The following KIAA1549L variants were observed in gnomAD, a reference collection of about 807,000 sequenced individuals.
KIAA1549L encodes the protein KIAA1549 like, also known as UPF0606 protein KIAA1549L.
In KIAA1549L, 88 loss-of-function variants were observed where a neutral mutation model predicts 160.7. The ratio of observed to expected loss-of-function variants is 0.55; its 90% CI spans 0.46 to 0.65. The LOEUF (loss-of-function observed/expected upper bound fraction) is 0.65. KIAA1549L is among the 30% of genes least tolerant of loss of function. The pLI is 0.00. For synonymous variants in KIAA1549L, 950 were observed against 976.7 expected (o/e 0.97, Z 0.51); for missense variants, 2,258 against 2,437.5 (o/e 0.93, Z 1.55).
intron 1 of KIAA1549L, among the ~76,000 whole-genome samples, chr11:33,540,179 G>T (rs1853984709): frequency 6.6e-6 from 1 of 152,228 alleles, no homozygotes; most frequent in East Asian, 1.9e-4. Context: ...GAAAGAGTTT[G>T]CAAAACTTCC....
intron 1 of KIAA1549L, among the ~76,000 whole-genome samples, chr11:33,479,362 A>G (rs1479412614): frequency 6.6e-6 from 1 of 152,238 alleles, no homozygotes; most frequent in Non-Finnish European, 1.5e-5. Context: ...AAAAGCCAGA[A>G]TGTGAAATTT....
chr11:33,524,820 C>G (rs992688896), intron 1 of KIAA1549L, among the ~76,000 whole-genome samples: 1 of 152,148 alleles, frequency 6.6e-6, no homozygotes, highest in African/African-American at 2.4e-5. Context: ...ATGAATAAGT[C>G]ATTTTCAAAA....
Position 33,545,222 on chromosome 11 carries a change from T to A in KIAA1549L, c.3229T>A (p.Ser1077Thr). 6.2e-7 allele frequency: 1 copy of A among 1,613,948 alleles called. No individual in the cohort carries two copies. Among genetic ancestry groups the A allele is most frequent in the Non-Finnish European group, 8.5e-7 (1 of 1,179,878 alleles). Residue 1077 changes from serine (S) to threonine (T), a missense_variant, in exon 3 of 21, where the codon TCC (serine) becomes ACC (threonine). By Grantham distance (58) the Ser-to-Thr change is moderately conservative. Around this residue, in one of 6 missense-constraint regions of KIAA1549L, gnomAD observed 1,359 missense variants for 1,546.6 expected, o/e 0.88. Coordinates refer to ENST00000658780, the MANE Select transcript of KIAA1549L (RefSeq NM_012194.3). ...ACTGACAGTCACGGCCGCGCTGACA[T>A]CCATTACAGCCTCAGTGAAGGCCAC... ...RPLTVTAALTSITASVKATRL... is the reference protein window; with the variant it reads ...RPLTVTAALTTITASVKATRL...
In KIAA1549L at chr11:33,543,419, C is replaced by T. The variant is rs779946578; in HGVS notation, c.1856C>T (p.Pro619Leu). ...SPIITAPRTN[P>L]LPSGPPLPSI... is the part of the protein sequence containing the mutation. ...ATCATTACAGCACCAAGGACGAATC[C>T]CCTTCCTTCAGGACCACCTCTACCT... Residue 619 changes from proline to leucine, a missense_variant, in exon 2 of 21, where the codon CCC becomes CTC. Pro to Leu is a moderately conservative substitution (Grantham distance 98). Transcript: ENST00000658780. 1.2e-6 allele frequency: 2 copies of T among 1,613,982 alleles called. No individual in the cohort carries two copies. The highest frequency in any genetic ancestry group is 2.2e-5 in the East Asian group (1 of 44,884).
intron 1 of KIAA1549L, among the ~76,000 whole-genome samples, chr11:33,404,507 A>G (rs1383080953): frequency 1.3e-5 from 2 of 152,086 alleles, no homozygotes; most frequent in African/African-American, 4.8e-5. Flanking sequence ...AGCCTGGGCG[A>G]CAGAGCGAGA....
intron 1 of KIAA1549L, among the ~76,000 whole-genome samples, chr11:33,384,662 T>C (rs1850137103): frequency 6.6e-6 from 1 of 152,224 alleles, no homozygotes; most frequent in African/African-American, 2.4e-5. Flanking sequence ...AATAGCTGTT[T>C]AGTGGTATCT....
chr11:33,655,453 GAAAGT>G (rs1338909514), intron 17 of KIAA1549L, among the ~76,000 whole-genome samples: 2 of 152,204 alleles, frequency 1.3e-5, no homozygotes, highest in Non-Finnish European at 2.9e-5. Flanking sequence ...TCCCTTGAGA[GAAAGT>G]AAAACACAAT....
intron 1 of KIAA1549L, among the ~76,000 whole-genome samples, chr11:33,489,990 A>G (rs1446161315): frequency 6.6e-6 from 1 of 152,236 alleles, no homozygotes; most frequent in African/African-American, 2.4e-5. Flanking sequence ...GACTTCTTAC[A>G]GTTGTAAGAA....
intron 1 of KIAA1549L, among the ~76,000 whole-genome samples, chr11:33,465,536 G>A (rs967361023): frequency 1.3e-5 from 2 of 152,130 alleles, no homozygotes; most frequent in Non-Finnish European, 1.5e-5. Flanking sequence ...GGCCTTATGG[G>A]CAGGGGCTTA....
chr11:33,656,220 AG>A (rs2133433753), intron 18 of KIAA1549L, 111 bp downstream of exon 18: 2 of 759,696 alleles, frequency 2.6e-6, no homozygotes, highest in East Asian at 2.7e-5. Context: ...CACCCCATCC[AG>A]GGTGTGTCAC....
rs183688514 is a variant in KIAA1549L, at chr11:33,379,650, C to G, written c.238+2761C>G. On this transcript the variant is annotated intron_variant, in intron 1 of 20. Coordinates refer to ENST00000658780, the MANE Select transcript of KIAA1549L (RefSeq NM_012194.3). ...TGTTATGTACAGGGATAGTGCTCAT[C>G]TGTTCACGGGCAGCTACTCAATGTG... Among the ~76,000 whole-genome samples, 18 of 152,300 alleles carry G rather than the reference C, an allele frequency of 1.2e-4. 1 individual carries two copies. The highest frequency in any genetic ancestry group is 9.8e-4 in the Admixed American group (15 of 15,294).
chr11:33,381,079 T>G (rs1199525119), intron 1 of KIAA1549L, among the ~76,000 whole-genome samples: 1 of 151,976 alleles, frequency 6.6e-6, no homozygotes, highest in Non-Finnish European at 1.5e-5. Context: ...CGTCCAAACT[T>G]GACTGTGCTT....
rs1432027663 is a variant in KIAA1549L at position 33,376,226 on chromosome 11, G to A, written c.-426G>A. ...AGGAGCGAGGAGCCAGGACAGCGGG[G>A]CGCCGAGGCTGCAGCGGCGGCGGGA... On this transcript the variant is annotated 5_prime_UTR_variant, in exon 1 of 21. Transcript: ENST00000658780. The surrounding 1 kb of genome is among the most constrained non-coding windows in gnomAD (Gnocchi z 5.8). 6.7e-6 allele frequency among the ~76,000 whole-genome samples: 1 copy of A among 149,364 alleles called. No homozygotes were observed. Among genetic ancestry groups the A allele is most frequent in the Non-Finnish European group, 1.5e-5 (1 of 66,920 alleles).
At position 33,435,800 on chromosome 11, in the gene KIAA1549L, A is replaced by ATG. The variant is rs1309350867; in HGVS notation, c.238+58912_238+58913insGT. On this transcript the variant is annotated intron_variant, in intron 1 of 20. Coordinates refer to ENST00000658780, the MANE Select transcript of KIAA1549L (RefSeq NM_012194.3). ...TATATATATATATATATATATATATATATATATATATGTGTGTGTATATAT... is the reference window on the plus strand; with the variant it reads ...TATATATATATATATATATATATATATGTATATATATATGTGTGTGTATATAT... Among the ~76,000 whole-genome samples, 68 of 12,886 alleles carry ATG rather than the reference A, an allele frequency of 5.3e-3. 11 individuals are homozygous for ATG. The highest frequency in any genetic ancestry group is 0.019 in the African/African-American group (65 of 3,420). 8.5% of individuals were successfully genotyped at this position (12,886 alleles called of 152,430 possible).
intron 1 of KIAA1549L, among the ~76,000 whole-genome samples, chr11:33,480,542 T>G (rs1226909905): frequency 6.6e-6 from 1 of 152,146 alleles, no homozygotes; most frequent in Non-Finnish European, 1.5e-5. Flanking sequence ...CTTTTAGAAG[T>G]GTAATTCATG....
intron 20 of KIAA1549L, among the ~76,000 whole-genome samples, chr11:33,662,216 GGCCCA>G (rs939104214): frequency 6.6e-6 from 1 of 151,948 alleles, no homozygotes; most frequent in Non-Finnish European, 1.5e-5. Flanking sequence ...TTACTATCAT[GGCCCA>G]GTATATTTTT....
intron 1 of KIAA1549L, among the ~76,000 whole-genome samples, chr11:33,381,614 T>C (rs1850075684): frequency 6.6e-6 from 1 of 152,150 alleles, no homozygotes; most frequent in Admixed American, 6.5e-5. Flanking sequence ...TGGTCAGCCA[T>C]TGGAGCATCC....
intron 1 of KIAA1549L, among the ~76,000 whole-genome samples, chr11:33,504,423 A>T (rs1426619032): frequency 6.6e-6 from 1 of 151,728 alleles, no homozygotes; most frequent in African/African-American, 2.4e-5. Context: ...AATAGGTATC[A>T]TTGCAGATTT....
chr11:33,464,511 T>TGTGTGTGC lies in KIAA1549L; in HGVS notation c.239-77290_239-77289insTGTGTGCG, dbSNP rs1491348414. On this transcript the variant is annotated intron_variant, in intron 1 of 20. Transcript: ENST00000658780. ...GTGTGTGTGTGTGTGTGTGTGTGTGTGCGTGCGCGCATGCCCCCCCCCACA... is the reference window on the plus strand; with the variant it reads ...GTGTGTGTGTGTGTGTGTGTGTGTGTGTGTGTGCGCGTGCGCGCATGCCCCCCCCCACA... Among the ~76,000 whole-genome samples, 228 of 139,568 alleles carry TGTGTGTGC rather than the reference T, an allele frequency of 1.6e-3. 1 individual carries two copies. The highest frequency in any genetic ancestry group is 5.4e-3 in the African/African-American group (200 of 36,898). 91.6% of individuals were successfully genotyped at this position (139,568 alleles called of 152,430 possible). A position where few individuals can be genotyped will look rare whatever the true frequency, so the allele number is the denominator to read the frequency against.
Sources: allele counts gnomAD v4.1 joint callset (sites outside exome capture counted in the v4.1 genomes callset), GRCh38; gene constraint gnomAD v4.1.1; regional missense constraint gnomAD v4.1.1; non-coding constraint Gnocchi (gnomAD v3.1); transcripts MANE v1.5; gene names NCBI Gene and HGNC (gene_info 2026-07-23, HGNC 2026-07-21).